NOVA2: variants seen among roughly 807,000 people sequenced by gnomAD.
NOVA2 encodes the protein NOVA alternative splicing regulator 2, also known as RNA-binding protein Nova-2.
NOVA2 carries 9 observed loss-of-function variants against 22.5 expected under a neutral mutation model. The ratio of observed to expected loss-of-function variants is 0.40; its 90% confidence interval spans 0.24 to 0.70. The LOEUF (loss-of-function observed/expected upper bound fraction) is 0.70, where lower values mean the gene tolerates loss of function less well. Among genes scored for constraint, NOVA2 ranks in the 30% least tolerant of loss-of-function variants. The probability of loss-of-function intolerance (pLI) is 0.38; values close to 1 mark genes in which losing one functional copy is unlikely to be tolerated. For missense variants in NOVA2, 383 were observed against 682.8 expected (o/e 0.56, Z 4.89); for synonymous variants, 318 against 335.2 (o/e 0.95, Z 0.56).
At chr19:45,962,510 C>T (rs1371060318) in intron 1 of NOVA2, 1 of 152,670 alleles carries the variant, frequency 6.6e-6, no homozygotes, top group East Asian at 1.9e-4. Flanking sequence ...CATTGCTTAA[C>T]ACCCTCCACT....
chr19:45,963,620 C>T (rs1272629894), intron 1 of NOVA2, among the ~76,000 whole-genome samples: 2 of 151,700 alleles, frequency 1.3e-5, no homozygotes, highest in Non-Finnish European at 2.9e-5. Context: ...CACGCTCCGC[C>T]TCTCCGATTC....
chr19:45,972,533 T>C (rs1968245711), intron 1 of NOVA2, among the ~76,000 whole-genome samples: 1 of 152,020 alleles, frequency 6.6e-6, no homozygotes, highest in African/African-American at 2.4e-5. Context: ...AGCACACACC[T>C]TTCCTTGTCA....
chr19:45,969,669 T>A (rs1442910399), intron 1 of NOVA2, among the ~76,000 whole-genome samples: 1 of 151,498 alleles, frequency 6.6e-6, no homozygotes, highest in East Asian at 1.9e-4. Flanking sequence ...AGTACAGGGG[T>A]CATTATTGTT....
rs1967698135 is a variant in NOVA2 at position 45,938,918 on chromosome 19, G to A, written c.*945C>T. 2 of 152,206 alleles carry A rather than the reference G, an allele frequency of 1.3e-5. No individual in the cohort carries two copies. Among genetic ancestry groups the A allele is most frequent in the Admixed American group, 1.3e-4 (2 of 15,284 alleles). 9.4% of individuals were successfully genotyped at this position (152,206 alleles called of 1,614,324 possible). On this transcript the variant is annotated 3_prime_UTR_variant, in exon 4 of 4. Transcript: ENST00000263257. ...TGATATCACCAAAGTGACCTTCAAG[G>A]AAGAACTCATTGAGACATCACAGGA...
chr19:45,962,744 G>A (rs528717645), intron 1 of NOVA2: 6 of 152,202 alleles, frequency 3.9e-5, no homozygotes, highest in Admixed American at 2.6e-4. Context: ...CCTCCCGGGT[G>A]TAAGGGGTTC....
chr19:45,942,172 C>T (rs941125737), intron 3 of NOVA2, among the ~76,000 whole-genome samples: 2 of 152,158 alleles, frequency 1.3e-5, no homozygotes, highest in African/African-American at 4.8e-5. Flanking sequence ...GACACTGTGT[C>T]CCCTTCAAAT....
At chr19:45,959,226 A>G (rs747871306) in intron 2 of NOVA2, among the ~76,000 whole-genome samples, 12 of 151,996 alleles carry the variant, frequency 7.9e-5, no homozygotes, top group Non-Finnish European at 1.8e-4. Flanking sequence ...ATGTAGGACT[A>G]GGATGTAGGG....
chr19:45,935,969 G>A lies in NOVA2; in HGVS notation c.*3894C>T, dbSNP rs183096993. On this transcript the variant is annotated 3_prime_UTR_variant, in exon 4 of 4. Coordinates refer to ENST00000263257, the MANE Select transcript of NOVA2 (RefSeq NM_002516.4). ...CATAATTCCCAACTACAAGTCCAGG[G>A]TAGGCGTTAGGGCAGATAGAAACGG... 3.2e-4 allele frequency: 48 copies of A among 152,304 alleles called. No individual in the cohort carries two copies. Among genetic ancestry groups the A allele is most frequent in the African/African-American group, 1.1e-3 (45 of 41,550 alleles). 9.4% of individuals were successfully genotyped at this position (152,304 alleles called of 1,614,324 possible).
chr19:45,969,471 C>T (rs1600622164), intron 1 of NOVA2, among the ~76,000 whole-genome samples: 2 of 120,250 alleles, frequency 1.7e-5, no homozygotes, highest in Non-Finnish European at 3.2e-5. Context: ...TGCACCACTA[C>T]ACTCCAAGCC....
intron 3 of NOVA2, among the ~76,000 whole-genome samples, chr19:45,951,479 A>T (rs1264059862): frequency 6.6e-6 from 1 of 152,008 alleles, no homozygotes; most frequent in Non-Finnish European, 1.5e-5. Context: ...TTAGCCAGGC[A>T]TGGTAACAGG....
intron 2 of NOVA2, among the ~76,000 whole-genome samples, chr19:45,957,732 A>G (rs1208106832): frequency 6.6e-6 from 1 of 151,394 alleles, no homozygotes; most frequent in African/African-American, 2.4e-5. Context: ...CAAAATAAAA[A>G]GTGTGTGTGT....
At chr19:45,970,290 C>T (rs1255084294) in intron 1 of NOVA2, among the ~76,000 whole-genome samples, 2 of 151,998 alleles carry the variant, frequency 1.3e-5, no homozygotes, top group South Asian at 2.1e-4. Flanking sequence ...TCCATCATAG[C>T]ATGTTGGGAG....
At chr19:45,949,569 T>G (rs1967892623) in intron 3 of NOVA2, among the ~76,000 whole-genome samples, 1 of 152,134 alleles carries the variant, frequency 6.6e-6, no homozygotes, top group African/African-American at 2.4e-5. Flanking sequence ...CCTGTGAAAG[T>G]CCCTTTACTT....
chr19:45,951,725 A>C (rs1967929215), intron 3 of NOVA2, among the ~76,000 whole-genome samples: 1 of 152,012 alleles, frequency 6.6e-6, no homozygotes, highest in African/African-American at 2.4e-5. Flanking sequence ...TGAGCCTGGG[A>C]TGTCGAGGCT....
At position 45,940,793 on chromosome 19, in the gene NOVA2, G is replaced by A. The variant is rs1967744462; in HGVS notation, c.549C>T (p.Ser183=). The part of the protein sequence containing the change: ...INLQERVVTV[S]GEPEQVHKAV... ...CCTTGTGCACCTGCTCGGGCTCGCC[G>A]CTGACCGTCACCACGCGCTCCTGCA... Residue 183 remains serine, a synonymous_variant, in exon 4 of 4, where the codon AGC becomes AGT. Transcript: ENST00000263257. The A allele has an allele frequency of 1.2e-6, 2 of 1,607,002 alleles. No individual in the cohort carries two copies. Among genetic ancestry groups the A allele is most frequent in the South Asian group, 1.1e-5 (1 of 91,068 alleles).
chr19:45,963,825 C>CG (rs1037578671), intron 1 of NOVA2, among the ~76,000 whole-genome samples: 38 of 152,082 alleles, frequency 2.5e-4, no homozygotes, highest in African/African-American at 8.9e-4. Flanking sequence ...CCACCGCGCC[C>CG]GGGCCCCCTC....
At chr19:45,957,833 G>A (rs919008713) in intron 2 of NOVA2, among the ~76,000 whole-genome samples, 14 of 151,788 alleles carry the variant, frequency 9.2e-5, no homozygotes, top group African/African-American at 3.4e-4. Flanking sequence ...GTGGCCGGTC[G>A]CGGTGGCTCA....
At position 45,938,041 on chromosome 19, in the gene NOVA2, G is replaced by A. The variant is rs1486581755; in HGVS notation, c.*1822C>T. ...ATGGGGGAGAGGGTGGGCATGGGGC[G>A]CCCCTCCCCCAGAGATGCTGATGAT... On this transcript the variant is annotated 3_prime_UTR_variant, in exon 4 of 4. Transcript: ENST00000263257. 2.6e-5 allele frequency: 4 copies of A among 152,164 alleles called. No homozygotes were observed. Among genetic ancestry groups the A allele is most frequent in the African/African-American group, 9.7e-5 (4 of 41,422 alleles). The allele number at this position is 152,164 out of a possible 1,614,324, so 9.4% of individuals were successfully genotyped here. A position where few individuals can be genotyped will look rare whatever the true frequency, so the allele number is the denominator to read the frequency against.
At chr19:45,956,106 G>A (rs574657472) in intron 2 of NOVA2, among the ~76,000 whole-genome samples, 103 of 152,260 alleles carry the variant, frequency 6.8e-4, no homozygotes, top group Admixed American at 2.2e-3. Context: ...TCCCCCACCC[G>A]CTTTGGGCCA....
Sources: allele counts gnomAD v4.1 joint callset (sites outside exome capture counted in the v4.1 genomes callset), GRCh38; gene constraint gnomAD v4.1.1; transcripts MANE v1.5; gene names NCBI Gene and HGNC (gene_info 2026-07-23, HGNC 2026-07-21).